MSR1: variants seen among roughly 807,000 people sequenced by gnomAD.
The protein encoded by MSR1 is macrophage scavenger receptor 1.
Under a neutral mutation model 47.2 loss-of-function variants are expected in MSR1, and 53 were observed. That is an observed-to-expected ratio of 1.12 (90% CI 0.90 to 1.41). The LOEUF (loss-of-function observed/expected upper bound fraction) is 1.41. Ranked by LOEUF, MSR1 falls within the 40% of genes most tolerant of loss-of-function variation. The pLI is 0.00. For missense variants in MSR1, 786 were observed against 546.9 expected (o/e 1.44, Z -4.36); for synonymous variants, 239 against 185.6 (o/e 1.29, Z -2.34).
intron 5 of MSR1, among the ~76,000 whole-genome samples, chr8:16,159,491 T>C (rs535839813): frequency 3.8e-4 from 58 of 152,096 alleles, no homozygotes; most frequent in African/African-American, 1.4e-3. Flanking sequence ...TGTATAATTA[T>C]TTAGTGATTA....
intron 9 of MSR1, among the ~76,000 whole-genome samples, chr8:16,118,617 T>G (rs1213605138): frequency 6.6e-6 from 1 of 151,878 alleles, no homozygotes; most frequent in Non-Finnish European, 1.5e-5. Flanking sequence ...AGGCAGAGGT[T>G]GCAGTAAGCC....
rs1162319738 is a variant in MSR1 at position 16,139,747 on chromosome 8, TAAAAAAAAAAAAAAAAA to T, written c.1033+3794_1033+3810del. ...CCAAGCTCGACTACACTTCAAAACT[TAAAAAAAAAAAAAAAAA>T]AAAAAAAAAAATATATATATATATA... On this transcript the variant is annotated intron_variant, in intron 8 of 9. Coordinates refer to ENST00000262101, the MANE Select transcript of MSR1 (RefSeq NM_138715.3). The T allele has an allele frequency of 4.1e-5, 6 of 146,616 alleles. No individual in the cohort carries two copies. In the African/African-American group the frequency reaches 5.5e-4, roughly 14 times the overall value. 9.1% of individuals were successfully genotyped at this position (146,616 alleles called of 1,614,324 possible). A position where few individuals can be genotyped will look rare whatever the true frequency, so the allele number is the denominator to read the frequency against.
intron 2 of MSR1, among the ~76,000 whole-genome samples, chr8:16,176,131 G>C (rs962128391): frequency 5.3e-5 from 8 of 152,120 alleles, no homozygotes; most frequent in African/African-American, 1.9e-4. Context: ...GTTGCTTTCA[G>C]GTTGCAAATT....
chr8:16,122,484 T>C (rs1800027483), intron 8 of MSR1, among the ~76,000 whole-genome samples: 1 of 152,306 alleles, frequency 6.6e-6, no homozygotes, highest in Non-Finnish European at 1.5e-5. Flanking sequence ...CGTTGTCCTG[T>C]TGTCCAAACA....
chr8:16,138,381 C>T (rs1162222991), intron 8 of MSR1, among the ~76,000 whole-genome samples: 3 of 152,174 alleles, frequency 2.0e-5, no homozygotes, highest in African/African-American at 7.2e-5. Flanking sequence ...AGCGTTAGAG[C>T]TTAGTGAAGG....
At chr8:16,125,236 T>C (rs919400260) in intron 8 of MSR1, among the ~76,000 whole-genome samples, 3 of 152,152 alleles carry the variant, frequency 2.0e-5, no homozygotes, top group African/African-American at 7.2e-5. Context: ...GAAATGTAAT[T>C]GCCTTAAAAA....
At chr8:16,191,859 T>G (rs1802208555) in intron 1 of MSR1, among the ~76,000 whole-genome samples, 1 of 152,224 alleles carries the variant, frequency 6.6e-6, no homozygotes, top group African/African-American at 2.4e-5. Context: ...TAATCAGATT[T>G]CTAGCATCTC....
At chr8:16,186,641 T>C (rs1802008605) in intron 1 of MSR1, among the ~76,000 whole-genome samples, 1 of 151,598 alleles carries the variant, frequency 6.6e-6, no homozygotes, top group East Asian at 1.9e-4. Context: ...ACATTTCTTT[T>C]TTTTTTTTTT....
At chr8:16,124,911 T>C (rs1380833256) in intron 8 of MSR1, among the ~76,000 whole-genome samples, 1 of 152,104 alleles carries the variant, frequency 6.6e-6, no homozygotes, top group Non-Finnish European at 1.5e-5. Flanking sequence ...TATCAAATCA[T>C]AGAAGAAACT....
rs1019375400 is a variant in MSR1 at position 16,115,505 on chromosome 8, T to C, written c.1222+4913A>G. Among the ~76,000 whole-genome samples, 17 of 152,322 alleles carry C rather than the reference T, an allele frequency of 1.1e-4. No individual in the cohort carries two copies. The East Asian group carries it at 2.9e-3, about 26-fold the overall frequency. On this transcript the variant is annotated intron_variant, in intron 9 of 9. Transcript: ENST00000262101. ...AATCAGTGAATAATGTAAGCCTGTC[T>C]CTTAAAATACAATATCCAGTGAAGT...
At chr8:16,178,130 C>A (rs942936889) in intron 1 of MSR1, 138 bp from the exon 2 acceptor site, 7 of 649,256 alleles carry the variant, frequency 1.1e-5, no homozygotes, top group Admixed American at 2.6e-5. Context: ...ATACTTTAAG[C>A]TCTAGGGTAC....
chr8:16,183,557 T>C (rs935357796), intron 1 of MSR1, among the ~76,000 whole-genome samples: 3 of 145,392 alleles, frequency 2.1e-5, no homozygotes, highest in African/African-American at 5.0e-5. Context: ...ATACATTATA[T>C]AATATATAAT....
At chr8:16,163,104 G>C (rs1008347885) in intron 5 of MSR1, among the ~76,000 whole-genome samples, 4 of 151,858 alleles carry the variant, frequency 2.6e-5, no homozygotes, top group African/African-American at 4.8e-5. Context: ...CAATCAATAA[G>C]AAATAGAAAT....
chr8:16,126,980 G>A (rs545896025), intron 8 of MSR1, among the ~76,000 whole-genome samples: 1 of 152,118 alleles, frequency 6.6e-6, no homozygotes, highest in Non-Finnish European at 1.5e-5. Context: ...AGAGTGTCTG[G>A]TACAGAGGGT....
At chr8:16,191,319 G>C (rs1802193694) in intron 1 of MSR1, among the ~76,000 whole-genome samples, 1 of 152,230 alleles carries the variant, frequency 6.6e-6, no homozygotes, top group Middle Eastern at 3.4e-3. Flanking sequence ...ATCTAGATTT[G>C]AGTATTGACT....
chr8:16,159,072 G>GA (rs1287565886), intron 5 of MSR1, among the ~76,000 whole-genome samples: 1 of 151,222 alleles, frequency 6.6e-6, no homozygotes, highest in Non-Finnish European at 1.5e-5. Context: ...AAAGCGCTGG[G>GA]ATTACAGGCA....
rs1305212778 is a variant in MSR1, at chr8:16,110,134, G to C, written c.1307C>G (p.Thr436Arg). Residue 436 changes from threonine (T) to arginine (R), a missense_variant, in exon 10 of 10, where the codon ACA becomes AGA. Thr to Arg is a moderately conservative substitution (Grantham distance 71, BLOSUM62 -1). Transcript: ENST00000262101. ...ATCTTCAGAATGTGAACAGGCTCTT[G>C]TCCCCCATTGCCGAATTTTACATTC... ...IEECKIRQWG[T>R]RACSHSEDAG... 1 of 1,613,654 alleles carries C rather than the reference G, an allele frequency of 6.2e-7. No individual in the cohort carries two copies. Among genetic ancestry groups the C allele is most frequent in the Admixed American group, 1.7e-5 (1 of 60,002 alleles).
At chr8:16,169,001 G>A (rs985875129) in intron 3 of MSR1, 131 bp from the exon 4 acceptor site, 3 of 923,010 alleles carry the variant, frequency 3.3e-6, no homozygotes, top group Non-Finnish European at 4.9e-6. Flanking sequence ...AGGCTAAATC[G>A]AGTATTTTTT....
At chr8:16,179,792 G>A (rs1441541586) in intron 1 of MSR1, among the ~76,000 whole-genome samples, 1 of 139,538 alleles carries the variant, frequency 7.2e-6, no homozygotes, top group Non-Finnish European at 1.5e-5. Flanking sequence ...CAGTAAAATC[G>A]CTTGTACCCG....
Sources: gnomAD v4.1 joint callset for allele counts (sites outside exome capture counted in the v4.1 genomes callset) on GRCh38, gnomAD v4.1.1 for gene constraint, MANE v1.5 for transcripts, NCBI Gene and HGNC (gene_info 2026-07-23, HGNC 2026-07-21) for gene names.